The following CDKAL1 variants were observed in gnomAD, a reference collection of about 807,000 sequenced individuals.
CDKAL1 encodes the protein threonylcarbamoyladenosine tRNA methylthiotransferase.
A neutral mutation model predicts 68.2 loss-of-function variants in CDKAL1; 32 were observed. The ratio of observed to expected loss-of-function variants is 0.47; its 90% CI spans 0.35 to 0.63. The LOEUF is 0.63. Ranked by LOEUF, CDKAL1 falls within the 30% of genes least tolerant of loss-of-function variation. CDKAL1 has a pLI of 0.00. For synonymous variants in CDKAL1, 234 were observed against 244.3 expected (o/e 0.96, Z 0.39); for missense variants, 606 against 696.7 (o/e 0.87, Z 1.47).
At chr6:20,780,543 G>C (rs770262972) in intron 7 of CDKAL1, among the ~76,000 whole-genome samples, 1 of 152,108 alleles carries the variant, frequency 6.6e-6, no homozygotes, top group Non-Finnish European at 1.5e-5. Flanking sequence ...TTTGGCATAT[G>C]CTAGAGAGTA....
intron 9 of CDKAL1, among the ~76,000 whole-genome samples, chr6:20,932,301 C>T (rs1763497821): frequency 1.3e-5 from 2 of 152,082 alleles, no homozygotes; most frequent in African/African-American, 4.8e-5. Context: ...CCGAGTGTTT[C>T]TCAAAGTTGG....
intron 7 of CDKAL1, among the ~76,000 whole-genome samples, chr6:20,763,307 T>C (rs1358659015): frequency 6.6e-6 from 1 of 152,224 alleles, no homozygotes; most frequent in African/African-American, 2.4e-5. Flanking sequence ...TCCAGGTTTC[T>C]GCAGCTCTTC....
chr6:20,735,447 A>T (rs909647964), intron 5 of CDKAL1, among the ~76,000 whole-genome samples: 3 of 152,150 alleles, frequency 2.0e-5, no homozygotes, highest in Non-Finnish European at 2.9e-5. Flanking sequence ...ATAAACCATC[A>T]GATCTCATCA....
chr6:20,799,040 G>T lies in CDKAL1; in HGVS notation c.638+17775G>T, dbSNP rs1581601706. 1.7e-3 allele frequency among the ~76,000 whole-genome samples: 81 copies of T among 47,454 alleles called. 1 individual carries two copies. Among genetic ancestry groups the T allele is most frequent in the East Asian group, 3.4e-3 (4 of 1,192 alleles). The allele number at this position is 47,454 out of a possible 152,430, so 31.1% of individuals were successfully genotyped here. A position where few individuals can be genotyped will look rare whatever the true frequency, so the allele number is the denominator to read the frequency against. On this transcript the variant is annotated intron_variant, in intron 8 of 15. Coordinates refer to ENST00000274695, the MANE Select transcript of CDKAL1 (RefSeq NM_017774.3). ...GGCCCATATATTTGAAAAGAACTGA[G>T]TTTTTTTTTTTTTTTTTTTTTTTTT...
chr6:21,053,723 T>C (rs1770670242), intron 11 of CDKAL1, among the ~76,000 whole-genome samples: 1 of 152,176 alleles, frequency 6.6e-6, no homozygotes, highest in South Asian at 2.1e-4. Context: ...CTAGTGACAA[T>C]GTTAAGCAAA....
At chr6:20,805,854 T>A (rs1429457394) in intron 8 of CDKAL1, among the ~76,000 whole-genome samples, 1 of 152,212 alleles carries the variant, frequency 6.6e-6, no homozygotes, top group Non-Finnish European at 1.5e-5. Context: ...GCTGAAGAAG[T>A]ATGTGCACTG....
rs538102272 is a variant in CDKAL1, at chr6:20,698,470, A to G, written c.372-41049A>G. On this transcript the variant is annotated intron_variant, in intron 5 of 15. Coordinates refer to ENST00000274695, the MANE Select transcript of CDKAL1 (RefSeq NM_017774.3). ...TCTGTTCCAGTATTTCATCCAGGGT[A>G]CTATGTTGCGCTTATCATGTCTTAG... Among the ~76,000 whole-genome samples, 5 of 152,236 alleles carry G rather than the reference A, an allele frequency of 3.3e-5. No homozygotes were observed. The South Asian group carries it at 1.0e-3, about 32-fold the overall frequency.
intron 9 of CDKAL1, among the ~76,000 whole-genome samples, chr6:20,855,820 T>C (rs918232376): frequency 6.6e-6 from 1 of 152,222 alleles, no homozygotes; most frequent in African/African-American, 2.4e-5. Flanking sequence ...ATGGGAATAC[T>C]TTTAAAAATT....
intron 13 of CDKAL1, among the ~76,000 whole-genome samples, chr6:21,142,184 T>G (rs1242100575): frequency 6.6e-6 from 1 of 152,138 alleles, no homozygotes; most frequent in Non-Finnish European, 1.5e-5. Flanking sequence ...TGCCAGTTCC[T>G]TCCTTCCTTT....
At chr6:21,136,069 G>A (rs1775578797) in intron 13 of CDKAL1, among the ~76,000 whole-genome samples, 1 of 152,050 alleles carries the variant, frequency 6.6e-6, no homozygotes, top group African/African-American at 2.4e-5. Flanking sequence ...TCTTTTTCAT[G>A]TTACCAGCTT....
chr6:21,022,056 T>C (rs1768697271), intron 11 of CDKAL1, among the ~76,000 whole-genome samples: 1 of 152,204 alleles, frequency 6.6e-6, no homozygotes, highest in Non-Finnish European at 1.5e-5. Flanking sequence ...TTTGAGATCT[T>C]GTTTTGGAAG....
chr6:20,962,423 T>A (rs1262075835), intron 10 of CDKAL1, among the ~76,000 whole-genome samples: 2 of 152,216 alleles, frequency 1.3e-5, no homozygotes, highest in Admixed American at 1.3e-4. Context: ...GACCTTATAT[T>A]CTAACCTAAT....
chr6:21,078,485 C>T (rs903785246), intron 12 of CDKAL1, among the ~76,000 whole-genome samples: 6 of 152,142 alleles, frequency 3.9e-5, no homozygotes, highest in Non-Finnish European at 7.3e-5. Context: ...AGCTCTCTGC[C>T]GTTAGAACTG....
intron 4 of CDKAL1, among the ~76,000 whole-genome samples, chr6:20,643,093 C>T (rs562890095): frequency 1.3e-5 from 2 of 152,330 alleles, no homozygotes; most frequent in East Asian, 1.9e-4. Context: ...TCAGAGGTTA[C>T]GAGCACTCTA....
intron 5 of CDKAL1, among the ~76,000 whole-genome samples, chr6:20,672,294 C>G (rs1769877631): frequency 8.7e-6 from 1 of 115,516 alleles, no homozygotes; most frequent in East Asian, 2.0e-4. Context: ...CTCTCTCTCT[C>G]TCTCCCTCTC....
At chr6:20,646,396 TAGA>T (rs1768462276) in intron 4 of CDKAL1, among the ~76,000 whole-genome samples, 1 of 150,904 alleles carries the variant, frequency 6.6e-6, no homozygotes, top group South Asian at 2.1e-4. Context: ...TTTAAATAAG[TAGA>T]AGGAGTACAT....
intron 8 of CDKAL1, among the ~76,000 whole-genome samples, chr6:20,800,279 C>T (rs976112410): frequency 6.6e-6 from 1 of 152,182 alleles, no homozygotes; most frequent in African/African-American, 2.4e-5. Flanking sequence ...AAGAAACTAA[C>T]TCTGGGTACA....
intron 4 of CDKAL1, among the ~76,000 whole-genome samples, chr6:20,585,288 G>A (rs978286230): frequency 6.6e-6 from 1 of 151,978 alleles, no homozygotes; most frequent in Admixed American, 6.6e-5. Context: ...TCCTGACCTC[G>A]TGATCCGCCC....
intron 8 of CDKAL1, among the ~76,000 whole-genome samples, chr6:20,826,848 T>G (rs1777522602): frequency 6.6e-6 from 1 of 152,172 alleles, no homozygotes; most frequent in Admixed American, 6.6e-5. Context: ...GTTGGCTTTG[T>G]TTTTATACTT....
Sources: allele counts gnomAD v4.1 joint callset (sites outside exome capture counted in the v4.1 genomes callset), GRCh38; gene constraint gnomAD v4.1.1; transcripts MANE v1.5; gene names NCBI Gene and HGNC (gene_info 2026-07-23, HGNC 2026-07-21).